The following CCBE1 variants were observed in gnomAD, a reference collection of about 807,000 sequenced individuals.
CCBE1 encodes collagen and calcium binding EGF domains 1.
Under a neutral mutation model 50.0 loss-of-function variants are expected in CCBE1, and 37 were observed. That is an observed-to-expected ratio of 0.74 (90% confidence interval 0.57 to 0.97). CCBE1 has a LOEUF of 0.97. CCBE1 is among the 50% of genes least tolerant of loss of function. The pLI, the probability that CCBE1 is intolerant of heterozygous loss-of-function variation, is 0.00. For synonymous variants in CCBE1, 234 were observed against 203.7 expected (o/e 1.15, Z -1.27); for missense variants, 538 against 523.8 (o/e 1.03, Z -0.26).
chr18:59,532,606 T>C (rs1915095328), intron 2 of CCBE1, among the ~76,000 whole-genome samples: 1 of 152,216 alleles, frequency 6.6e-6, no homozygotes, highest in Non-Finnish European at 1.5e-5. Context: ...TGTTGTCCCA[T>C]GTCATCCTCA....
chr18:59,448,231 T>G, intron 6 of CCBE1, 128 bp from the exon 7 acceptor site: 1 of 1,347,850 alleles, frequency 7.4e-7, no homozygotes. Flanking sequence ...TAGAGCTAGT[T>G]AGAGCTCAGA....
chr18:59,571,358 T>G (rs1410837034), intron 2 of CCBE1, among the ~76,000 whole-genome samples: 1 of 151,918 alleles, frequency 6.6e-6, no homozygotes, highest in Non-Finnish European at 1.5e-5. Flanking sequence ...ACCATCATTC[T>G]CAGCACACTA....
At chr18:59,682,453 C>T (rs1042528829) in intron 2 of CCBE1, among the ~76,000 whole-genome samples, 3 of 152,190 alleles carry the variant, frequency 2.0e-5, no homozygotes, top group African/African-American at 7.2e-5. Context: ...ACTTAAGATG[C>T]TAATTTCAAG....
At chr18:59,509,466 T>C (rs1914034937) in intron 2 of CCBE1, among the ~76,000 whole-genome samples, 1 of 152,200 alleles carries the variant, frequency 6.6e-6, no homozygotes, top group African/African-American at 2.4e-5. Flanking sequence ...ATTCTGATTG[T>C]TGTGCATTCA....
intron 7 of CCBE1, among the ~76,000 whole-genome samples, chr18:59,445,382 T>TCCAGG (rs1910624298): frequency 6.6e-6 from 1 of 152,206 alleles, no homozygotes; most frequent in Non-Finnish European, 1.5e-5. Flanking sequence ...AAATGTTTTT[T>TCCAGG]ACTAAGTGAT....
At chr18:59,631,495 G>T (rs890523216) in intron 2 of CCBE1, among the ~76,000 whole-genome samples, 9 of 152,116 alleles carry the variant, frequency 5.9e-5, no homozygotes, top group African/African-American at 2.2e-4. Context: ...CACTCCAAAA[G>T]ATTAAAAGGC....
intron 2 of CCBE1, among the ~76,000 whole-genome samples, chr18:59,561,323 A>G (rs971203530): frequency 6.6e-6 from 1 of 152,196 alleles, no homozygotes; most frequent in Non-Finnish European, 1.5e-5. Flanking sequence ...TGCATGCCCA[A>G]AATTACGTCA....
At chr18:59,454,062 T>C (rs1216917900) in intron 6 of CCBE1, among the ~76,000 whole-genome samples, 1 of 152,200 alleles carries the variant, frequency 6.6e-6, no homozygotes, top group Non-Finnish European at 1.5e-5. Flanking sequence ...GGGCATAGAC[T>C]ATAATTTTCA....
chr18:59,687,444 C>CCT (rs1213747163), intron 2 of CCBE1, among the ~76,000 whole-genome samples: 4 of 152,192 alleles, frequency 2.6e-5, no homozygotes, highest in African/African-American at 4.8e-5. Context: ...CATTCCTTTA[C>CCT]CTTCCTATTA....
chr18:59,488,466 A>G (rs1447617580), intron 2 of CCBE1, among the ~76,000 whole-genome samples: 1 of 152,222 alleles, frequency 6.6e-6, no homozygotes, highest in Non-Finnish European at 1.5e-5. Context: ...AACTGTTCAA[A>G]TTACAGAAAA....
At chr18:59,669,302 G>T (rs1379349385) in intron 2 of CCBE1, among the ~76,000 whole-genome samples, 2 of 152,232 alleles carry the variant, frequency 1.3e-5, no homozygotes, top group African/African-American at 2.4e-5. Flanking sequence ...GAATAACAAG[G>T]CTCCATGCTA....
At chr18:59,493,369 A>G (rs1251143934) in intron 2 of CCBE1, among the ~76,000 whole-genome samples, 1 of 152,214 alleles carries the variant, frequency 6.6e-6, no homozygotes, top group Non-Finnish European at 1.5e-5. Flanking sequence ...TCATTTACAG[A>G]TGAGAGGAGG....
chr18:59,484,413 T>C (rs957829378), intron 2 of CCBE1, among the ~76,000 whole-genome samples: 7 of 152,256 alleles, frequency 4.6e-5, no homozygotes, highest in African/African-American at 1.7e-4. Flanking sequence ...TCTGAGCTGT[T>C]TGATGGCGTT....
intron 2 of CCBE1, among the ~76,000 whole-genome samples, chr18:59,533,296 C>T (rs531248186): frequency 3.9e-4 from 60 of 152,180 alleles, no homozygotes; most frequent in East Asian, 5.8e-4. Flanking sequence ...CCATCACTCC[C>T]GATTATGAAT....
chr18:59,483,836 CTT>C (rs1178967642), intron 2 of CCBE1, among the ~76,000 whole-genome samples: 4 of 152,176 alleles, frequency 2.6e-5, no homozygotes, highest in Non-Finnish European at 5.9e-5. Flanking sequence ...TCAAAACAGA[CTT>C]GAGTGATACA....
intron 2 of CCBE1, among the ~76,000 whole-genome samples, chr18:59,606,129 A>G (rs1210537684): frequency 6.6e-6 from 1 of 152,234 alleles, no homozygotes; most frequent in Non-Finnish European, 1.5e-5. Flanking sequence ...AACACGCTTA[A>G]TTCTTAACTG....
rs116156203 is a variant in CCBE1, at chr18:59,470,509, G to T, written c.266-902C>A. Among the ~76,000 whole-genome samples, 995 of 152,266 alleles carry T rather than the reference G, an allele frequency of 6.5e-3. 7 individuals are homozygous for T. The highest frequency in any genetic ancestry group is 0.022 in the African/African-American group (929 of 41,532). ...TGTATACTGTATAAGTGTGCATCCT[G>T]GGGGGTTGATCTCTCATGCTGAGAA... is the stretch of plus-strand genomic sequence containing the variant. On this transcript the variant is annotated intron_variant, in intron 3 of 10. Transcript: ENST00000439986.
At chr18:59,448,472 T>C (rs1215457535) in intron 6 of CCBE1, among the ~76,000 whole-genome samples, 1 of 152,174 alleles carries the variant, frequency 6.6e-6, no homozygotes, top group African/African-American at 2.4e-5. Flanking sequence ...GTGCAGGTCC[T>C]GGCTTGGTTC....
chr18:59,559,522 T>A (rs1479599163), intron 2 of CCBE1, among the ~76,000 whole-genome samples: 3 of 152,212 alleles, frequency 2.0e-5, no homozygotes, highest in African/African-American at 7.2e-5. Flanking sequence ...AGAAGGACAT[T>A]GCTGCGCAAC....
Sources: gnomAD v4.1 joint callset for allele counts (sites outside exome capture counted in the v4.1 genomes callset) on GRCh38, gnomAD v4.1.1 for gene constraint, MANE v1.5 for transcripts, NCBI Gene and HGNC (gene_info 2026-07-23, HGNC 2026-07-21) for gene names.